DLC1: variants seen among roughly 807,000 people sequenced by gnomAD.
DLC1 encodes DLC1 Rho GTPase activating protein.
Under a neutral mutation model 140.3 loss-of-function variants are expected in DLC1, and 54 were observed. The ratio of observed to expected loss-of-function variants is 0.38; its 90% CI spans 0.31 to 0.48. DLC1 has a LOEUF of 0.48. Ranked by LOEUF, DLC1 falls within the 20% of genes least tolerant of loss-of-function variation. The probability of loss-of-function intolerance (pLI) is 0.96; values close to 1 mark genes in which losing one functional copy is unlikely to be tolerated. For missense variants in DLC1, 2,536 were observed against 1,907.0 expected (o/e 1.33, Z -6.14); for synonymous variants, 986 against 728.1 (o/e 1.35, Z -5.70).
At chr8:13,599,238 A>T (rs1394909060) in intron 1 of DLC1, among the ~76,000 whole-genome samples, 1 of 151,928 alleles carries the variant, frequency 6.6e-6, no homozygotes, top group African/African-American at 2.4e-5. Context: ...TATATTCACA[A>T]TTATAGAAGG....
intron 2 of DLC1, among the ~76,000 whole-genome samples, chr8:13,480,683 C>T (rs1220614821): frequency 6.6e-6 from 1 of 152,146 alleles, no homozygotes; most frequent in Non-Finnish European, 1.5e-5. Context: ...CCAAGGGGAT[C>T]ACTTGATGTC....
chr8:13,314,641 A>G (rs1003366930), intron 4 of DLC1, among the ~76,000 whole-genome samples: 1 of 152,180 alleles, frequency 6.6e-6, no homozygotes, highest in Non-Finnish European at 1.5e-5. Flanking sequence ...TATTCTCACC[A>G]TTTCATAACA....
At chr8:13,102,396 A>G (rs1819170073) in intron 8 of DLC1, among the ~76,000 whole-genome samples, 1 of 152,096 alleles carries the variant, frequency 6.6e-6, no homozygotes, top group Non-Finnish European at 1.5e-5. Context: ...TTTCATCTCT[A>G]CAGCTTTGAA....
At chr8:13,194,446 T>C (rs573641273) in intron 5 of DLC1, among the ~76,000 whole-genome samples, 1 of 152,332 alleles carries the variant, frequency 6.6e-6, no homozygotes, top group East Asian at 1.9e-4. Context: ...ATGCTTTTGC[T>C]GATGGCATCA....
chr8:13,249,778 A>G (rs1829926161), intron 5 of DLC1, among the ~76,000 whole-genome samples: 2 of 152,188 alleles, frequency 1.3e-5, no homozygotes, highest in South Asian at 2.1e-4. Context: ...ACAACATACC[A>G]TAAACCCATC....
At chr8:13,248,501 T>A (rs2117272599) in intron 5 of DLC1, among the ~76,000 whole-genome samples, 1 of 152,252 alleles carries the variant, frequency 6.6e-6, no homozygotes, top group Admixed American at 6.5e-5. Flanking sequence ...TTACTCCCCC[T>A]TATTTATTAA....
intron 1 of DLC1, among the ~76,000 whole-genome samples, chr8:13,534,946 G>A (rs2117315403): frequency 6.8e-6 from 1 of 147,306 alleles, no homozygotes; most frequent in Admixed American, 6.7e-5. Flanking sequence ...ATGTAGTACA[G>A]CTGACTCTCA....
At chr8:13,335,245 T>C (rs1037035546) in intron 4 of DLC1, among the ~76,000 whole-genome samples, 3 of 151,576 alleles carry the variant, frequency 2.0e-5, no homozygotes, top group Admixed American at 1.3e-4. Flanking sequence ...AGCAAAGGAG[T>C]GTGAGAAATA....
chr8:13,489,494 C>T (rs889894364), intron 2 of DLC1, among the ~76,000 whole-genome samples: 4 of 149,080 alleles, frequency 2.7e-5, no homozygotes, highest in Non-Finnish European at 4.4e-5. Flanking sequence ...AAGGTGTTTA[C>T]TATGTGTACA....
intron 5 of DLC1, among the ~76,000 whole-genome samples, chr8:13,221,720 G>GTC (rs1458235636): frequency 9.4e-6 from 1 of 106,592 alleles, no homozygotes; most frequent in Non-Finnish European, 1.8e-5. Flanking sequence ...ATATGTGTGT[G>GTC]TGTGTGTATA....
chr8:13,111,313 G>A (rs1396070783), intron 6 of DLC1, among the ~76,000 whole-genome samples: 1 of 152,114 alleles, frequency 6.6e-6, no homozygotes, highest in Non-Finnish European at 1.5e-5. Context: ...CCACTCACAT[G>A]GCATCAAGAG....
intron 5 of DLC1, among the ~76,000 whole-genome samples, chr8:13,143,858 G>C (rs1030145393): frequency 3.6e-4 from 53 of 147,210 alleles, no homozygotes; most frequent in African/African-American, 1.3e-3. Flanking sequence ...GAGAGACATA[G>C]ACATGCCAAG....
In DLC1 at chr8:13,499,584, G is replaced by C; in HGVS notation, c.488C>G (p.Ser163Cys). ...TTCAGTTTCACCAGCTATTCCCCAG[G>C]AGTTAGAAGAAACTTGGTTACTTTG... is the stretch of plus-strand genomic sequence containing the variant. The part of the protein sequence containing the change: ...IIQSNQVSSN[S>C]WGIAGETELA... The change falls in exon 2 of 18, where the codon TCC (serine) becomes TGC (cysteine). Residue 163 changes from serine (S) to cysteine (C), a missense_variant. Transcript: ENST00000276297. The C allele has an allele frequency of 2.5e-6, 4 of 1,614,076 alleles. No homozygotes were observed. The highest frequency in any genetic ancestry group is 3.4e-6 in the Non-Finnish European group (4 of 1,180,018).
chr8:13,521,406 AT>A (rs150863623), intron 1 of DLC1, among the ~76,000 whole-genome samples: 8,329 of 149,324 alleles, frequency 0.056, 766 homozygotes, highest in East Asian at 0.38. Flanking sequence ...AGAACTTAAA[AT>A]TAAAAAAAAA....
intron 5 of DLC1, among the ~76,000 whole-genome samples, chr8:13,290,939 A>G (rs975682007): frequency 4.6e-5 from 7 of 152,094 alleles, no homozygotes; most frequent in Non-Finnish European, 1.0e-4. Flanking sequence ...ATGGAGTTTC[A>G]TTCTCACTGC....
At chr8:13,525,480 A>G (rs61687775) in intron 1 of DLC1, among the ~76,000 whole-genome samples, 25,314 of 152,146 alleles carry the variant, frequency 0.17, 3,381 homozygotes, top group East Asian at 0.55. Flanking sequence ...TTGTTGTTAC[A>G]CATGCATGCC....
chr8:13,551,267 A>G (rs894181515), intron 1 of DLC1, among the ~76,000 whole-genome samples: 1 of 152,258 alleles, frequency 6.6e-6, no homozygotes, highest in African/African-American at 2.4e-5. Flanking sequence ...TCAATCTAGC[A>G]TGCATTGTTC....
intron 5 of DLC1, among the ~76,000 whole-genome samples, chr8:13,150,013 C>G (rs1031018579): frequency 6.6e-6 from 1 of 152,224 alleles, no homozygotes; most frequent in Non-Finnish European, 1.5e-5. Flanking sequence ...GCCAGTATTA[C>G]ATCAGCCATT....
chr8:13,438,097 T>C (rs1839202587), intron 2 of DLC1, among the ~76,000 whole-genome samples: 2 of 152,164 alleles, frequency 1.3e-5, no homozygotes, highest in Admixed American at 6.5e-5. Context: ...TACTTTTCTC[T>C]AAAGCAATGG....
Sources: gnomAD v4.1 joint callset for allele counts (sites outside exome capture counted in the v4.1 genomes callset) on GRCh38, gnomAD v4.1.1 for gene constraint, MANE v1.5 for transcripts, NCBI Gene and HGNC (gene_info 2026-07-23, HGNC 2026-07-21) for gene names.